MACF1: variants seen among roughly 807,000 people sequenced by gnomAD.
MACF1 encodes the protein microtubule-actin cross-linking factor 1.
Under a neutral mutation model 854.8 loss-of-function variants are expected in MACF1, and 193 were observed. The ratio of observed to expected loss-of-function variants is 0.23; its 90% CI spans 0.20 to 0.25. The LOEUF (loss-of-function observed/expected upper bound fraction) is 0.25, where lower values mean the gene tolerates loss of function less well. Among genes scored for constraint, MACF1 ranks in the 10% least tolerant of loss-of-function variants. MACF1 has a pLI of 1.00. For missense variants in MACF1, 7,722 were observed against 8,929.1 expected, an observed-to-expected ratio of 0.86 and a Z score of 5.45; for synonymous variants, 3,185 against 3,226.7, an observed-to-expected ratio of 0.99 and a Z score of 0.44.
chr1:39,282,588 A>G (rs1645568055), intron 7 of MACF1, among the ~76,000 whole-genome samples: 1 of 152,256 alleles, frequency 6.6e-6, no homozygotes, highest in Non-Finnish European at 1.5e-5. Flanking sequence ...CATGGAACTT[A>G]TCTTTCAGTA....
At chr1:39,141,161 A>G (rs1643337232) in intron 2 of MACF1, among the ~76,000 whole-genome samples, 1 of 152,128 alleles carries the variant, frequency 6.6e-6, no homozygotes, top group Non-Finnish European at 1.5e-5. Context: ...TAATATTTTC[A>G]CGCTGTTAAA....
intron 1 of MACF1, among the ~76,000 whole-genome samples, chr1:39,223,797 G>A (rs1447069806): frequency 6.6e-6 from 1 of 152,108 alleles, no homozygotes; most frequent in Non-Finnish European, 1.5e-5. Flanking sequence ...GATTACAGGT[G>A]GGAGCCACTG....
intron 52 of MACF1, among the ~76,000 whole-genome samples, chr1:39,377,213 A>T (rs1649799056): frequency 6.6e-6 from 1 of 151,056 alleles, no homozygotes; most frequent in Admixed American, 6.6e-5. Context: ...GTTTCACCGT[A>T]TTGCCCAGGC....
chr1:39,176,568 A>G (rs1484288432), intron 2 of MACF1, among the ~76,000 whole-genome samples: 1 of 152,008 alleles, frequency 6.6e-6, no homozygotes, highest in Non-Finnish European at 1.5e-5. Context: ...CCCCCATTTT[A>G]GTCATTTTTC....
chr1:39,166,019 G>T (rs1353596699), intron 2 of MACF1, among the ~76,000 whole-genome samples: 2 of 151,684 alleles, frequency 1.3e-5, no homozygotes, highest in African/African-American at 4.8e-5. Flanking sequence ...CCCTGTCTTT[G>T]AGGGATTATC....
rs1189929317 is a variant in MACF1, at chr1:39,439,983, AATAGATGGTAGAAAAT to A, written c.18447+485_18447+500del. ...ATATTACATTTCTTAAATGTAGAAA[AATAGATGGTAGAAAAT>A]AAAAATCAATTTTGGACTCATTATC... On this transcript the variant is annotated intron_variant, in intron 72 of 100. Transcript: ENST00000564288. 9.9e-5 allele frequency among the ~76,000 whole-genome samples: 15 copies of A among 151,252 alleles called. No homozygotes were observed. In the South Asian group the frequency reaches 2.7e-3, roughly 28 times the overall value.
In MACF1 at chr1:39,322,704, A is replaced by G. The variant is rs367571121; in HGVS notation, c.4126A>G (p.Ile1376Val). Residue 1376 changes from isoleucine (I) to valine (V), a missense_variant, in exon 32 of 101, where the codon ATC (isoleucine) becomes GTC (valine). Physicochemically the swap from Ile to Val is conservative, Grantham distance 29. Transcript: ENST00000564288. ...TCGCATGCTTTCCTCTTCAGATGCC[A>G]TCACTCAAGAGGTGAGAGGGTGGGG... The part of the protein sequence containing the change: ...RRRMLSSSDA[I>V]TQEFMDLRTR... The G allele has an allele frequency of 3.2e-5, 51 of 1,613,916 alleles. No homozygotes were observed. The highest frequency in any genetic ancestry group is 6.7e-5 in the African/African-American group (5 of 74,898).
At chr1:39,463,505 A>G in intron 93 of MACF1, 107 bp from the exon 94 acceptor site, 1 of 739,578 alleles carries the variant, frequency 1.4e-6, no homozygotes, top group Non-Finnish European at 2.3e-6. Context: ...AAAAAAAAAA[A>G]TGTAAATAAT....
Position 39,084,525 on chromosome 1 carries a change from G to T in MACF1, c.220+87G>T. ...CAGCAGCTGTGTGGGGAGCCGAGGG[G>T]TCCTCACCAGGGCCTCTGACAAAGC... On this transcript the variant is annotated intron_variant, in intron 2 of 93. Transcript: ENST00000361689. The surrounding 1 kb of genome is among the most constrained non-coding windows in gnomAD (Gnocchi z 5.2). 1 of 1,091,428 alleles carries T rather than the reference G, an allele frequency of 9.2e-7. No individual in the cohort carries two copies. Among genetic ancestry groups the T allele is most frequent in the African/African-American group, 1.6e-5 (1 of 64,300 alleles). The allele number at this position is 1,091,428 out of a possible 1,614,324, so 67.6% of individuals were successfully genotyped here.
chr1:39,388,423 A>G lies in MACF1; in HGVS notation c.15581A>G (p.Asp5194Gly), dbSNP rs1641883507. The change falls in exon 58 of 101, where the codon GAT becomes GGT. Residue 5194 changes from aspartate to glycine, a missense_variant. This residue lies in a region of MACF1 where 2,807 missense variants were observed against 3,235.8 expected (regional missense o/e 0.87). Coordinates refer to ENST00000564288, the MANE Select transcript of MACF1 (RefSeq NM_001394062.1). ...RHMLEEEGTL[D>G]LLGLKRELEA... Reference sequence around the variant, plus strand: ...ATGCTAGAAGAAGAGGGGACTCTGGATTTGTTAGGTCTCAAAAGGGAGCTA... The same window carrying G: ...ATGCTAGAAGAAGAGGGGACTCTGGGTTTGTTAGGTCTCAAAAGGGAGCTA... The G allele has an allele frequency of 6.2e-7, 1 of 1,614,106 alleles. No individual in the cohort carries two copies. Among genetic ancestry groups the G allele is most frequent in the African/African-American group, 1.3e-5 (1 of 75,032 alleles).
intron 6 of MACF1, among the ~76,000 whole-genome samples, chr1:39,267,116 A>G (rs916754328): frequency 6.6e-6 from 1 of 152,362 alleles, no homozygotes. Context: ...AGTAGTTAGA[A>G]GAGAGTAGTT....
chr1:39,206,835 T>C (rs1397841392), intron 1 of MACF1: 1 of 152,184 alleles, frequency 6.6e-6, no homozygotes, highest in Admixed American at 6.5e-5. Context: ...AAAAATGTAT[T>C]TTTAAAAATA....
chr1:39,145,128 G>A (rs1377164760), intron 2 of MACF1, among the ~76,000 whole-genome samples: 1 of 152,058 alleles, frequency 6.6e-6, no homozygotes, highest in Non-Finnish European at 1.5e-5. Context: ...TGTGCTGACT[G>A]ACTCTATTAC....
rs11274446 is a variant in MACF1, at chr1:39,480,118, A to AGCCTCTGAAAGACTCCAGTGAGGAG, written c.22170+109_22170+110insGCCTCTGAAAGACTCCAGTGAGGAG. 6.1e-4 allele frequency: 586 copies of AGCCTCTGAAAGACTCCAGTGAGGAG among 958,368 alleles called. 2 individuals carry two copies. Among genetic ancestry groups the AGCCTCTGAAAGACTCCAGTGAGGAG allele is most frequent in the Middle Eastern group, 9.4e-4 (4 of 4,236 alleles). The allele number at this position is 958,368 out of a possible 1,614,324, so 59.4% of individuals were successfully genotyped here. A position where few individuals can be genotyped will look rare whatever the true frequency, so the allele number is the denominator to read the frequency against. Reference sequence around the variant, plus strand: ...CCAGTGAGGAGAAGAAATAAAAATGAAAACATGTTTTCTATTTTAGAAATA... The same window carrying AGCCTCTGAAAGACTCCAGTGAGGAG: ...CCAGTGAGGAGAAGAAATAAAAATGAGCCTCTGAAAGACTCCAGTGAGGAGAAACATGTTTTCTATTTTAGAAATA... On this transcript the variant is annotated intron_variant, in intron 98 of 100. Transcript: ENST00000564288.
chr1:39,336,484 C>A lies in MACF1; in HGVS notation c.9896C>A (p.Thr3299Asn). The A allele has an allele frequency of 1.2e-6, 2 of 1,614,058 alleles. No individual in the cohort carries two copies. Among genetic ancestry groups the A allele is most frequent in the Non-Finnish European group, 1.7e-6 (2 of 1,179,942 alleles). ...NAIISPTVLETSEEKTVSLTV... is the reference protein window; with the variant it reads ...NAIISPTVLENSEEKTVSLTV... ...ATCATTAGTCCTACTGTTCTAGAGACCAGTGAAGAAAAGACAGTGTCCCTA... is the reference window on the plus strand; with the variant it reads ...ATCATTAGTCCTACTGTTCTAGAGAACAGTGAAGAAAAGACAGTGTCCCTA... The change falls in exon 37 of 101, where the codon ACC (threonine) becomes AAC (asparagine). Residue 3299 changes from threonine to asparagine, a missense_variant. Thr to Asn is a moderately conservative substitution (Grantham distance 65). This residue lies in a region of MACF1 where 854 missense variants were observed against 852.6 expected (regional missense o/e 1.00). Transcript: ENST00000564288.
At position 39,295,105 on chromosome 1, in the gene MACF1, A is replaced by G. The variant is rs1645872527; in HGVS notation, c.2214A>G (p.Ala738=). 6.2e-6 allele frequency: 10 copies of G among 1,614,160 alleles called. No homozygotes were observed. In the East Asian group the frequency reaches 2.0e-4, roughly 32 times the overall value. The part of the protein sequence containing the change: ...QDVFRSLQDT[A]ELLSLENHPA... ...TGTTTCGTTCTCTACAAGATACAGC[A>G]GAACTACTTTCACTTGAGAACCACC... Residue 738 remains alanine, a synonymous_variant, in exon 19 of 101, where the codon GCA becomes GCG. Transcript: ENST00000564288.
intron 94 of MACF1, 89 bp from the exon 95 acceptor site, chr1:39,465,006 T>C (rs1644634488): frequency 6.1e-6 from 7 of 1,145,140 alleles, no homozygotes; most frequent in Admixed American, 5.1e-5. Flanking sequence ...TGTAATGATA[T>C]GATTTTCATT....
At chr1:39,417,038 T>A (rs1460875944) in intron 58 of MACF1, among the ~76,000 whole-genome samples, 1 of 152,236 alleles carries the variant, frequency 6.6e-6, no homozygotes, top group African/African-American at 2.4e-5. Flanking sequence ...TCCCTTAGGA[T>A]TCCAAGAGGC....
chr1:39,282,690 G>A (rs1490494032), intron 7 of MACF1, among the ~76,000 whole-genome samples: 1 of 152,114 alleles, frequency 6.6e-6, no homozygotes, highest in Non-Finnish European at 1.5e-5. Flanking sequence ...CTTTGGACAG[G>A]GTGGTCAGAG....
Sources: gnomAD v4.1 joint callset for allele counts (sites outside exome capture counted in the v4.1 genomes callset) on GRCh38, gnomAD v4.1.1 for gene constraint, gnomAD v4.1.1 regional missense constraint, Gnocchi (gnomAD v3.1) non-coding constraint, MANE v1.5 for transcripts, NCBI Gene and HGNC (gene_info 2026-07-23, HGNC 2026-07-21) for gene names.